The following TEKT2 variants were observed in gnomAD, a reference collection of about 807,000 sequenced individuals.
The protein encoded by TEKT2 is tektin-2.
In TEKT2, 45 loss-of-function variants were observed where a neutral mutation model predicts 49.8. The observed-to-expected ratio is 0.90, with a 90% CI of 0.71 to 1.16. TEKT2 has a LOEUF of 1.16. TEKT2 is among the 50% of genes most tolerant of loss of function. The pLI is 0.00. For missense variants in TEKT2, 523 were observed against 551.4 expected (o/e 0.95, Z 0.52); for synonymous variants, 202 against 224.6 (o/e 0.90, Z 0.90).
chr1:36,086,019 A>G lies in TEKT2; in HGVS notation c.466A>G (p.Ser156Gly). The G allele has an allele frequency of 6.3e-7, 1 of 1,595,006 alleles. No homozygotes were observed. Among genetic ancestry groups the G allele is most frequent in the Non-Finnish European group, 8.5e-7 (1 of 1,170,264 alleles). The change falls in exon 4 of 10, where the codon AGC becomes GGC. Residue 156 changes from serine to glycine, a missense_variant. Ser to Gly is a moderately conservative substitution (Grantham distance 56, BLOSUM62 0). Coordinates refer to ENST00000207457, the MANE Select transcript of TEKT2 (RefSeq NM_014466.3). The stretch of plus-strand genomic sequence containing the variant: ...CAAGAAGGCCTTGCAACAGAAGGTC[A>G]GCCAGGCCTTCGAGCAGCTCTGGTA... ...ATKKALQQKVSQAFEQLCLLQ... is the reference protein window; with the variant it reads ...ATKKALQQKVGQAFEQLCLLQ...
At chr1:36,086,617 T>C (rs1230156700) in intron 4 of TEKT2, 87 bp from the exon 5 acceptor site, 2 of 1,575,136 alleles carry the variant, frequency 1.3e-6, no homozygotes, top group African/African-American at 2.7e-5. Flanking sequence ...CACCCCAGCC[T>C]CCTCTTCCTG....
chr1:36,087,977 G>A lies in TEKT2; in HGVS notation c.1084G>A (p.Ala362Thr), dbSNP rs1197365263. 6.2e-6 allele frequency: 10 copies of A among 1,609,284 alleles called. No homozygotes were observed. In the South Asian group the frequency reaches 8.8e-5, roughly 14 times the overall value. Residue 362 changes from alanine (A) to threonine (T), a missense_variant, in exon 10 of 10, where the codon GCA becomes ACA. By Grantham distance (58) the Ala-to-Thr change is moderately conservative (BLOSUM62 0). Transcript: ENST00000207457. This position sits in a 1 kb window ranked among gnomAD's most constrained non-coding sequence, Gnocchi z 4.9. Reference sequence around the variant, plus strand: ...GTTGTCAATGTCCTTCCCTAGGGACGCACTGGACGCCCTGTGCAAGCACCT... The same window carrying A: ...GTTGTCAATGTCCTTCCCTAGGGACACACTGGACGCCCTGTGCAAGCACCT... ...LKQKLAQAQDALDALCKHLAR... is the reference protein window; with the variant it reads ...LKQKLAQAQDTLDALCKHLAR...
Position 36,085,204 on chromosome 1 carries a change from G to A in TEKT2, c.198G>A (p.Glu66=), listed in dbSNP as rs754469857. The A allele has an allele frequency of 5.0e-6, 8 of 1,614,126 alleles. No homozygotes were observed. The highest frequency in any genetic ancestry group is 5.9e-6 in the Non-Finnish European group (7 of 1,180,060). The change falls in exon 3 of 10, where the codon GAG becomes GAA. Residue 66 remains glutamate (E), a synonymous_variant. Transcript: ENST00000207457. ...DEHDNRTRLV[E]RIDTVNRWKE... ...ATGACAACAGGACTCGACTGGTGGA[G>A]AGGATTGATACTGTCAACCGGTGGA...
chr1:36,085,759 T>A (rs2124032903), intron 3 of TEKT2, 77 bp from the exon 4 acceptor site: 1 of 1,436,382 alleles, frequency 7.0e-7, no homozygotes, highest in Middle Eastern at 1.8e-4. Context: ...ACCTCAAGTG[T>A]TCCATCCAAC....
At chr1:36,085,459 G>C (rs1311884382) in intron 3 of TEKT2, among the ~76,000 whole-genome samples, 171 bp downstream of exon 3, 1 of 149,658 alleles carries the variant, frequency 6.7e-6, no homozygotes, top group Admixed American at 6.6e-5. Context: ...GGCCCCACCA[G>C]CACCCCCGCC....
rs12131875 is a variant in TEKT2, at chr1:36,088,235, A to C, written c.*49A>C. 106,599 of 1,440,060 alleles carry C rather than the reference A, an allele frequency of 0.074. 5,538 individuals carry two copies. Among genetic ancestry groups the C allele is most frequent in the Middle Eastern group, 0.17 (862 of 5,202 alleles). The allele number at this position is 1,440,060 out of a possible 1,614,324, so 89.2% of individuals were successfully genotyped here. A position where few individuals can be genotyped will look rare whatever the true frequency, so the allele number is the denominator to read the frequency against. Reference sequence around the variant, plus strand: ...GCAGGGTTGGGTGGGCAATGGAAGGAGGGAGGAGAGAAATGAATGGAATAA... The same window carrying C: ...GCAGGGTTGGGTGGGCAATGGAAGGCGGGAGGAGAGAAATGAATGGAATAA... On this transcript the variant is annotated 3_prime_UTR_variant, in exon 10 of 10. Transcript: ENST00000207457.
rs1350137574 is a variant in TEKT2 at position 36,085,825 on chromosome 1, C to T, written c.283-11C>T. ...GTGAGCCACCGTGCCCGGCCGCGCCCTCTTTTCTAGATGAAGGAGTCAGCA... is the reference window on the plus strand; with the variant it reads ...GTGAGCCACCGTGCCCGGCCGCGCCTTCTTTTCTAGATGAAGGAGTCAGCA... On this transcript the variant is annotated splice_polypyrimidine_tract_variant and intron_variant, in intron 3 of 9. Coordinates refer to ENST00000207457, the MANE Select transcript of TEKT2 (RefSeq NM_014466.3). 1.9e-6 allele frequency: 3 copies of T among 1,612,624 alleles called. No individual in the cohort carries two copies. Among genetic ancestry groups the T allele is most frequent in the Admixed American group, 1.7e-5 (1 of 59,824 alleles).
chr1:36,086,491 TG>T (rs1251916397), intron 4 of TEKT2, among the ~76,000 whole-genome samples: 1 of 151,184 alleles, frequency 6.6e-6, no homozygotes, highest in East Asian at 2.0e-4. Flanking sequence ...GTAGGGCACG[TG>T]GGGGCAGCAT....
chr1:36,084,826 A>T lies in TEKT2; in HGVS notation c.-52-44A>T. On this transcript the variant is annotated intron_variant, in intron 1 of 9. Coordinates refer to ENST00000207457, the MANE Select transcript of TEKT2 (RefSeq NM_014466.3). This position sits in a 1 kb window ranked among gnomAD's most constrained non-coding sequence, Gnocchi z 4.1. ...CTGCGCAGGGGGCGTGTGATCCAGG[A>T]GGTCTCCGGAAAGGTCTCCCGCAGC... 6.4e-7 allele frequency: 1 copy of T among 1,572,202 alleles called. No homozygotes were observed. Among genetic ancestry groups the T allele is most frequent in the East Asian group, 2.2e-5 (1 of 44,652 alleles).
chr1:36,086,603 G>C, intron 4 of TEKT2, 101 bp from the exon 5 acceptor site: 1 of 1,518,160 alleles, frequency 6.6e-7, no homozygotes, highest in South Asian at 1.1e-5. Flanking sequence ...CTGCTGGGAA[G>C]GGTCACCCCA....
In TEKT2 at chr1:36,085,232, GAGATGCTGGAC is replaced by G. The variant is rs1643350114; in HGVS notation, c.228_238del (p.Met77ValfsTer35). On this transcript the variant is annotated frameshift_variant, in exon 3 of 10. Transcript: ENST00000207457. LOFTEE classifies it high-confidence loss of function. ...GATTGATACTGTCAACCGGTGGAAG[GAGATGCTGGAC>G]AAGTGTCTGACAGATTTAGATGCCG... 6.2e-7 allele frequency: 1 copy of G among 1,614,204 alleles called. No homozygotes were observed. Among genetic ancestry groups the G allele is most frequent in the Non-Finnish European group, 8.5e-7 (1 of 1,180,042 alleles).
rs764842209 is a variant in TEKT2, at chr1:36,088,211, C to T, written c.*25C>T. 7 of 1,418,344 alleles carry T rather than the reference C, an allele frequency of 4.9e-6. No homozygotes were observed. In the South Asian group the frequency reaches 8.1e-5, roughly 16 times the overall value. 87.9% of individuals were successfully genotyped at this position (1,418,344 alleles called of 1,614,324 possible). On this transcript the variant is annotated 3_prime_UTR_variant, in exon 10 of 10. Transcript: ENST00000207457. ...GCCTTGGAGGACTGCAGGAGGAGGG[C>T]AGGGTTGGGTGGGCAATGGAAGGAG...
At chr1:36,085,317 G>T (rs1449409687) in intron 3 of TEKT2, 29 bp downstream of exon 3, 1 of 1,613,106 alleles carries the variant, frequency 6.2e-7, no homozygotes, top group Non-Finnish European at 8.5e-7. Flanking sequence ...GTGCCCGGGG[G>T]CTGCTGCCGA....
intron 2 of TEKT2, 26 bp downstream of exon 2, chr1:36,085,103 G>A (rs746553479): frequency 2.5e-6 from 4 of 1,614,194 alleles, no homozygotes; most frequent in Non-Finnish European, 3.4e-6. Flanking sequence ...TCAGCTGGGT[G>A]GGCAAAGGGA....
chr1:36,085,753 C>G (rs781247189), intron 3 of TEKT2, 83 bp from the exon 4 acceptor site: 10 of 1,398,320 alleles, frequency 7.2e-6, no homozygotes, highest in African/African-American at 1.4e-5. Flanking sequence ...CTCCTGACCT[C>G]AAGTGTTCCA....
At position 36,087,955 on chromosome 1, in the gene TEKT2, G is replaced by T; in HGVS notation, c.1080-18G>T. 6.2e-7 allele frequency: 1 copy of T among 1,604,312 alleles called. No individual in the cohort carries two copies. On this transcript the variant is annotated intron_variant, in intron 9 of 9. Coordinates refer to ENST00000207457, the MANE Select transcript of TEKT2 (RefSeq NM_014466.3). This position sits in a 1 kb window ranked among gnomAD's most constrained non-coding sequence, Gnocchi z 4.9. ...CCAGCCTCATGGGGGCTGGGGGGTTGTCAATGTCCTTCCCTAGGGACGCAC... is the reference window on the plus strand; with the variant it reads ...CCAGCCTCATGGGGGCTGGGGGGTTTTCAATGTCCTTCCCTAGGGACGCAC...
Position 36,088,212 on chromosome 1 carries a change from A to C in TEKT2, c.*26A>C. ...CCTTGGAGGACTGCAGGAGGAGGGC[A>C]GGGTTGGGTGGGCAATGGAAGGAGG... On this transcript the variant is annotated 3_prime_UTR_variant, in exon 10 of 10. Coordinates refer to ENST00000207457, the MANE Select transcript of TEKT2 (RefSeq NM_014466.3). 5.4e-6 allele frequency: 4 copies of C among 734,500 alleles called. No individual in the cohort carries two copies. The highest frequency in any genetic ancestry group is 9.3e-6 in the Non-Finnish European group (4 of 432,036). The allele number at this position is 734,500 out of a possible 1,614,324, so 45.5% of individuals were successfully genotyped here.
chr1:36,086,200 C>T (rs1183424260), intron 4 of TEKT2, among the ~76,000 whole-genome samples, 159 bp downstream of exon 4: 1 of 152,206 alleles, frequency 6.6e-6, no homozygotes, highest in East Asian at 1.9e-4. Flanking sequence ...TTGTAGCACT[C>T]TTCCCACTGC....
chr1:36,085,710 G>A (rs1643361374), intron 3 of TEKT2, 126 bp from the exon 4 acceptor site: 1 of 937,788 alleles, frequency 1.1e-6, no homozygotes, highest in South Asian at 1.4e-5. Context: ...AGTAGAGACG[G>A]GGTTTCACCA....
Sources: allele counts gnomAD v4.1 joint callset (sites outside exome capture counted in the v4.1 genomes callset), GRCh38; gene constraint gnomAD v4.1.1; non-coding constraint Gnocchi (gnomAD v3.1); transcripts MANE v1.5; gene names NCBI Gene and HGNC (gene_info 2026-07-23, HGNC 2026-07-21).